FRRS1: variants seen among roughly 807,000 people sequenced by gnomAD.
FRRS1 encodes ferric chelate reductase 1, also known as ferric reductase 1.
A neutral mutation model predicts 70.7 loss-of-function variants in FRRS1; 51 were observed. The observed-to-expected ratio is 0.72, with a 90% confidence interval of 0.58 to 0.91. FRRS1 has a LOEUF of 0.91. Ranked by LOEUF, FRRS1 falls within the 40% of genes least tolerant of loss-of-function variation. FRRS1 has a pLI of 0.00. For synonymous variants in FRRS1, 225 were observed against 238.7 expected, an observed-to-expected ratio of 0.94 and a Z score of 0.53; for missense variants, 672 against 726.0, an observed-to-expected ratio of 0.93 and a Z score of 0.86.
intron 4 of FRRS1, 151 bp from the exon 5 acceptor site, chr1:99,742,424 T>A: frequency 1.7e-6 from 1 of 583,234 alleles, no homozygotes; most frequent in Non-Finnish European, 3.1e-6. Context: ...AGGCACTCCA[T>A]AAATGAAATG....
In FRRS1 at chr1:99,712,532, C is replaced by A; in HGVS notation, c.1324-17G>T. 1 of 1,435,944 alleles carries A rather than the reference C, an allele frequency of 7.0e-7. No individual in the cohort carries two copies. The highest frequency in any genetic ancestry group is 1.2e-5 in the South Asian group (1 of 82,518). The allele number at this position is 1,435,944 out of a possible 1,614,324, so 89.0% of individuals were successfully genotyped here. ...ACCTGCATGCTAAACAAAGTTACAT[C>A]ATTTTAATGGCCTCAATCTCTCTCA... On this transcript the variant is annotated splice_polypyrimidine_tract_variant and intron_variant, in intron 12 of 16. Transcript: ENST00000646001.
In FRRS1 at chr1:99,739,366, C is replaced by T. The variant is rs1276647455; in HGVS notation, c.577-1098G>A. 3.9e-5 allele frequency among the ~76,000 whole-genome samples: 6 copies of T among 152,272 alleles called. No homozygotes were observed. In the East Asian group the frequency reaches 1.2e-3, roughly 29 times the overall value. ...AAGACAACAATATTGTCAACAGATT[C>T]CTACTGGGAAGCTCAGGTCCAAACT... On this transcript the variant is annotated intron_variant, in intron 6 of 16. Transcript: ENST00000646001.
chr1:99,726,535 C>T (rs1304387612), intron 9 of FRRS1, among the ~76,000 whole-genome samples: 4 of 152,148 alleles, frequency 2.6e-5, no homozygotes, highest in African/African-American at 9.7e-5. Context: ...AAAAAAGCAA[C>T]AAAATACCTA....
intron 9 of FRRS1, among the ~76,000 whole-genome samples, chr1:99,720,287 T>G (rs1654748842): frequency 6.6e-6 from 1 of 152,184 alleles, no homozygotes; most frequent in African/African-American, 2.4e-5. Context: ...CAAATGTGTG[T>G]GGATCTGTGT....
At chr1:99,746,207 G>A (rs1656254900) in intron 4 of FRRS1, among the ~76,000 whole-genome samples, 1 of 152,174 alleles carries the variant, frequency 6.6e-6, no homozygotes, top group Non-Finnish European at 1.5e-5. Context: ...CAAATACAAT[G>A]TCTCTAACTC....
chr1:99,733,227 G>A (rs1655484989), intron 7 of FRRS1, among the ~76,000 whole-genome samples: 1 of 152,166 alleles, frequency 6.6e-6, no homozygotes, highest in Non-Finnish European at 1.5e-5. Flanking sequence ...AATCATGGAA[G>A]CAAGAGGACT....
intron 7 of FRRS1, among the ~76,000 whole-genome samples, chr1:99,736,607 CG>C: frequency 9.0e-6 from 1 of 111,664 alleles, no homozygotes; most frequent in Non-Finnish European, 1.6e-5. Flanking sequence ...CATCACACTC[CG>C]GGGACTGTTG....
intron 9 of FRRS1, among the ~76,000 whole-genome samples, chr1:99,725,203 C>A (rs1655024701): frequency 6.6e-6 from 1 of 152,218 alleles, no homozygotes; most frequent in Admixed American, 6.5e-5. Context: ...AATGCTCACT[C>A]ACCCACTGCT....
At chr1:99,730,291 A>C (rs1335824175) in intron 7 of FRRS1, among the ~76,000 whole-genome samples, 1 of 152,226 alleles carries the variant, frequency 6.6e-6, no homozygotes, top group African/African-American at 2.4e-5. Flanking sequence ...CATAGTGTAC[A>C]TATTCAATAG....
At chr1:99,735,807 T>C (rs1655626795) in intron 7 of FRRS1, among the ~76,000 whole-genome samples, 1 of 152,238 alleles carries the variant, frequency 6.6e-6, no homozygotes, top group South Asian at 2.1e-4. Context: ...GACCTACCTG[T>C]GGGCTACTCA....
intron 12 of FRRS1, among the ~76,000 whole-genome samples, chr1:99,713,742 A>T (rs971228545): frequency 6.6e-6 from 1 of 152,226 alleles, no homozygotes; most frequent in Admixed American, 6.5e-5. Context: ...TTCTGAACAT[A>T]TCAGTGGATA....
At chr1:99,741,324 C>G (rs10783117) in intron 5 of FRRS1, among the ~76,000 whole-genome samples, 75,286 of 152,196 alleles carry the variant, frequency 0.49, 22,647 homozygotes, top group African/African-American at 0.85. Context: ...ACAACAGCAA[C>G]AAGCTATAAT....
At chr1:99,717,641 A>C in intron 10 of FRRS1, 116 bp from the exon 11 acceptor site, 1 of 696,260 alleles carries the variant, frequency 1.4e-6, no homozygotes, top group Non-Finnish European at 2.6e-6. Flanking sequence ...TTCAGCTGAC[A>C]TAAGTACAAC....
intron 1 of FRRS1, among the ~76,000 whole-genome samples, chr1:99,758,579 C>T (rs12743528): frequency 0.28 from 42,531 of 150,534 alleles, 6,022 homozygotes; most frequent in South Asian, 0.41. Context: ...ACTGTGATAA[C>T]TGTGTTAACT....
chr1:99,730,152 A>C (rs1397756811), intron 7 of FRRS1, among the ~76,000 whole-genome samples: 1 of 152,282 alleles, frequency 6.6e-6, no homozygotes, highest in Admixed American at 6.5e-5. Context: ...TACCATAAAC[A>C]ATACTCCAGA....
At chr1:99,738,689 A>C (rs1464579555) in intron 6 of FRRS1, among the ~76,000 whole-genome samples, 1 of 152,210 alleles carries the variant, frequency 6.6e-6, no homozygotes, top group East Asian at 1.9e-4. Context: ...TCTAGTTCTC[A>C]GAGATGAAGA....
intron 1 of FRRS1, among the ~76,000 whole-genome samples, chr1:99,755,555 G>C (rs1656791990): frequency 6.6e-6 from 1 of 152,190 alleles, no homozygotes; most frequent in Admixed American, 6.5e-5. Flanking sequence ...AGTGAAAATA[G>C]TTACTTCAGT....
chr1:99,709,070 A>G lies in FRRS1; in HGVS notation c.1737T>C (p.Val579=). 1 of 1,614,074 alleles carries G rather than the reference A, an allele frequency of 6.2e-7. No individual in the cohort carries two copies. The highest frequency in any genetic ancestry group is 2.2e-5 in the East Asian group (1 of 44,868). Residue 579 remains valine (V), a synonymous_variant, in exon 17 of 17, where the codon GTT becomes GTC. Coordinates refer to ENST00000646001, the MANE Select transcript of FRRS1 (RefSeq NM_001361041.2). ...AVLAIYVCGN[V]TFLIIFLSAI... ...CAGATAAAAATATGATGAGAAAAGTAACATTCCCACAGACATAAATTGCCA... is the reference window on the plus strand; with the variant it reads ...CAGATAAAAATATGATGAGAAAAGTGACATTCCCACAGACATAAATTGCCA...
intron 9 of FRRS1, among the ~76,000 whole-genome samples, chr1:99,724,891 C>A (rs1366617651): frequency 4.0e-5 from 6 of 151,586 alleles, no homozygotes; most frequent in Middle Eastern, 3.5e-3. Context: ...ATCTATTACA[C>A]CTAATACATA....
Sources: gnomAD v4.1 joint callset for allele counts (sites outside exome capture counted in the v4.1 genomes callset) on GRCh38, gnomAD v4.1.1 for gene constraint, MANE v1.5 for transcripts, NCBI Gene and HGNC (gene_info 2026-07-23, HGNC 2026-07-21) for gene names.